Variants in KLHL3 observed in about 807,000 individuals in gnomAD.
KLHL3 encodes kelch like family member 3, also known as kelch-like protein 3.
KLHL3 carries 19 observed loss-of-function variants against 70.5 expected under a neutral mutation model. The ratio of observed to expected loss-of-function variants is 0.27; its 90% CI spans 0.19 to 0.40. The LOEUF is 0.40. KLHL3 is among the 10% of genes least tolerant of loss of function. The probability of loss-of-function intolerance (pLI) is 1.00; values close to 1 mark genes in which losing one functional copy is unlikely to be tolerated. For synonymous variants in KLHL3, 258 were observed against 290.3 expected, an observed-to-expected ratio of 0.89 and a Z score of 1.13; for missense variants, 512 against 771.1, an observed-to-expected ratio of 0.66 and a Z score of 3.98.
chr5:137,689,125 C>T (rs1331439620), intron 5 of KLHL3, among the ~76,000 whole-genome samples: 2 of 152,280 alleles, frequency 1.3e-5, no homozygotes, highest in East Asian at 3.9e-4. Flanking sequence ...TCAAAACTAC[C>T]AAGTGATACC....
At position 137,628,229 on chromosome 5, in the gene KLHL3, A is replaced by C. The variant is rs1323290703; in HGVS notation, c.1591+68T>G. 5 of 1,567,550 alleles carry C rather than the reference A, an allele frequency of 3.2e-6. No homozygotes were observed. In the African/African-American group the frequency reaches 6.7e-5, roughly 21 times the overall value. On this transcript the variant is annotated intron_variant, in intron 13 of 14. Transcript: ENST00000309755. Reference sequence around the variant, plus strand: ...ACCCTGGGAAATCTCCCTGCTGTTTAGAGCCAGTGTCTTCAGGGAGAAAAG... The same window carrying C: ...ACCCTGGGAAATCTCCCTGCTGTTTCGAGCCAGTGTCTTCAGGGAGAAAAG...
In KLHL3 at chr5:137,677,598, G is replaced by A. The variant is rs1302537848; in HGVS notation, c.583C>T (p.Gln195Ter). ...GEEFLSLSLDQVCSLISSDKL... is the reference protein window; with the variant it reads ...GEEFLSLSLD ...TCGCTGGATATCAAGCTGCACACCTGGTCCAGACTCAGGCTAAGAAATTCT... is the reference window on the plus strand; with the variant it reads ...TCGCTGGATATCAAGCTGCACACCTAGTCCAGACTCAGGCTAAGAAATTCT... The change falls in exon 6 of 15, where the codon CAG becomes TAG. Residue 195 changes from glutamine (Q) to a stop codon, truncating the protein, a stop_gained. Coordinates refer to ENST00000309755, the MANE Select transcript of KLHL3 (RefSeq NM_017415.3). LOFTEE classifies it high-confidence loss of function. 1.2e-6 allele frequency: 2 copies of A among 1,610,654 alleles called. No homozygotes were observed. The highest frequency in any genetic ancestry group is 1.1e-5 in the South Asian group (1 of 90,528).
At chr5:137,713,771 A>T (rs1168203994) in intron 2 of KLHL3, among the ~76,000 whole-genome samples, 1 of 152,220 alleles carries the variant, frequency 6.6e-6, no homozygotes, top group East Asian at 1.9e-4. Flanking sequence ...ATTTTTTGCA[A>T]ATCATCTACC....
At chr5:137,649,504 C>CTT (rs1751145927) in intron 8 of KLHL3, among the ~76,000 whole-genome samples, 3 of 152,166 alleles carry the variant, frequency 2.0e-5, no homozygotes, top group African/African-American at 7.2e-5. Context: ...GAAATAACTG[C>CTT]ACCCCGACCA....
At position 137,622,254 on chromosome 5, in the gene KLHL3, A is replaced by G. The variant is rs566073746; in HGVS notation, c.1736-128T>C. On this transcript the variant is annotated intron_variant, in intron 14 of 14. Transcript: ENST00000309755. ...AAATGTGTGCAATTTTTATCCTAAT[A>G]TTGAAGTGGACTCAGGCTGCTAGCA... 1,163 of 1,106,506 alleles carry G rather than the reference A, an allele frequency of 1.1e-3. 7 individuals are homozygous for G. Among genetic ancestry groups the G allele is most frequent in the South Asian group, 0.01 (733 of 71,460 alleles). 68.5% of individuals were successfully genotyped at this position (1,106,506 alleles called of 1,614,324 possible). A position where few individuals can be genotyped will look rare whatever the true frequency, so the allele number is the denominator to read the frequency against.
At chr5:137,682,890 T>C (rs1752068876) in intron 5 of KLHL3, among the ~76,000 whole-genome samples, 1 of 152,194 alleles carries the variant, frequency 6.6e-6, no homozygotes, top group Admixed American at 6.5e-5. Flanking sequence ...TTCTTCTCTC[T>C]TCACGGAATG....
Position 137,634,126 on chromosome 5 carries a change from C to T in KLHL3, c.1361G>A (p.Arg454His), listed in dbSNP as rs751440879. Residue 454 changes from arginine to histidine, a missense_variant, in exon 12 of 15, where the codon CGC becomes CAC. Coordinates refer to ENST00000309755, the MANE Select transcript of KLHL3 (RefSeq NM_017415.3). The part of the protein sequence containing the change: ...YAVGGYDGAS[R>H]QCLSTVEQYN... ...CTGCTCCACAGTGCTCAGACACTGGCGGGAAGCTCCATCATAACCCCCAAC... is the reference window on the plus strand; with the variant it reads ...CTGCTCCACAGTGCTCAGACACTGGTGGGAAGCTCCATCATAACCCCCAAC... 2.5e-6 allele frequency: 4 copies of T among 1,613,708 alleles called. No individual in the cohort carries two copies. Among genetic ancestry groups the T allele is most frequent in the South Asian group, 2.2e-5 (2 of 91,016 alleles).
chr5:137,735,803 C>T lies in KLHL3; in HGVS notation c.-157G>A. ...GAAGCCTCCTCCCTTCTCAATCCTC[C>T]TTCCTCTGACTTACTCGCAGCAGCT... is the stretch of plus-strand genomic sequence containing the variant. On this transcript the variant is annotated 5_prime_UTR_variant, in exon 1 of 15. Transcript: ENST00000309755. 1 of 934,180 alleles carries T rather than the reference C, an allele frequency of 1.1e-6. No homozygotes were observed. The highest frequency in any genetic ancestry group is 1.7e-6 in the Non-Finnish European group (1 of 578,770). The allele number at this position is 934,180 out of a possible 1,614,324, so 57.9% of individuals were successfully genotyped here. A position where few individuals can be genotyped will look rare whatever the true frequency, so the allele number is the denominator to read the frequency against.
intron 8 of KLHL3, chr5:137,647,785 T>C: frequency 2.8e-6 from 1 of 357,666 alleles, no homozygotes; most frequent in South Asian, 2.1e-5. Flanking sequence ...AACCAGGTAA[T>C]ATGAGGGCAA....
chr5:137,703,344 C>A (rs1350107463), intron 3 of KLHL3, among the ~76,000 whole-genome samples: 3 of 152,134 alleles, frequency 2.0e-5, no homozygotes, highest in African/African-American at 7.2e-5. Context: ...AACTTTCTTC[C>A]CCCCAACCCT....
At chr5:137,627,272 T>C (rs1333438647) in intron 13 of KLHL3, among the ~76,000 whole-genome samples, 1 of 152,218 alleles carries the variant, frequency 6.6e-6, no homozygotes, top group East Asian at 1.9e-4. Flanking sequence ...AATAGTGTTA[T>C]AGTGTAATTC....
At chr5:137,705,278 T>C (rs1459356176) in intron 3 of KLHL3, among the ~76,000 whole-genome samples, 2 of 152,216 alleles carry the variant, frequency 1.3e-5, no homozygotes, top group Non-Finnish European at 2.9e-5. Flanking sequence ...CAGGGCCTGG[T>C]AGAGTCTGGC....
intron 8 of KLHL3, among the ~76,000 whole-genome samples, chr5:137,649,683 C>T (rs1434903384): frequency 6.6e-6 from 1 of 152,208 alleles, no homozygotes; most frequent in Admixed American, 6.5e-5. Flanking sequence ...GGTGACATAA[C>T]CCAAGGTCCA....
chr5:137,712,805 T>C (rs1233408054), intron 2 of KLHL3, among the ~76,000 whole-genome samples: 2 of 152,166 alleles, frequency 1.3e-5, no homozygotes, highest in African/African-American at 4.8e-5. Flanking sequence ...CACCACTCTC[T>C]AGTGTAGACA....
intron 5 of KLHL3, among the ~76,000 whole-genome samples, chr5:137,683,784 T>A (rs2967796): frequency 0.81 from 121,781 of 150,940 alleles, 49,525 homozygotes; most frequent in African/African-American, 0.91. Flanking sequence ...TCTCTCTCTC[T>A]CACACACACA....
intron 1 of KLHL3, among the ~76,000 whole-genome samples, chr5:137,735,168 T>C (rs1483073257): frequency 6.6e-6 from 1 of 152,182 alleles, no homozygotes; most frequent in East Asian, 1.9e-4. Flanking sequence ...CAGCATGGCA[T>C]GCTTGCTGAA....
At chr5:137,630,904 C>T (rs148873725) in intron 12 of KLHL3, among the ~76,000 whole-genome samples, 56 of 152,192 alleles carry the variant, frequency 3.7e-4, no homozygotes, top group Middle Eastern at 3.4e-3. Flanking sequence ...GCACTCCAAA[C>T]ACAAACACTT....
intron 6 of KLHL3, among the ~76,000 whole-genome samples, chr5:137,664,227 A>G (rs941560290): frequency 2.0e-5 from 3 of 151,460 alleles, no homozygotes; most frequent in African/African-American, 7.3e-5. Context: ...GTGCATGCCT[A>G]TAGTCCCAGC....
chr5:137,666,083 A>G (rs1030617444), intron 6 of KLHL3, among the ~76,000 whole-genome samples: 10 of 152,182 alleles, frequency 6.6e-5, no homozygotes, highest in South Asian at 2.1e-4. Flanking sequence ...TGTTTCTTCC[A>G]CTAGCCCTTA....
Sources: gnomAD v4.1 joint callset for allele counts (sites outside exome capture counted in the v4.1 genomes callset) on GRCh38, gnomAD v4.1.1 for gene constraint, MANE v1.5 for transcripts, NCBI Gene and HGNC (gene_info 2026-07-23, HGNC 2026-07-21) for gene names.